The following HOOK3 variants were observed in gnomAD, a reference collection of about 807,000 sequenced individuals.
The protein encoded by HOOK3 is hook microtubule tethering protein 3.
Under a neutral mutation model 116.3 loss-of-function variants are expected in HOOK3, and 24 were observed. The ratio of observed to expected loss-of-function variants is 0.21; its 90% CI spans 0.15 to 0.29. The LOEUF (loss-of-function observed/expected upper bound fraction) is 0.29, where lower values mean the gene tolerates loss of function less well. HOOK3 is among the 10% of genes least tolerant of loss of function. HOOK3 has a pLI of 1.00. For synonymous variants in HOOK3, 275 were observed against 283.0 expected, an observed-to-expected ratio of 0.97 and a Z score of 0.28; for missense variants, 632 against 830.2, an observed-to-expected ratio of 0.76 and a Z score of 2.93.
chr8:42,984,501 A>G (rs1809012841), intron 14 of HOOK3, among the ~76,000 whole-genome samples: 1 of 152,220 alleles, frequency 6.6e-6, no homozygotes, highest in African/African-American at 2.4e-5. Context: ...AGATTTGTTG[A>G]ATAAATGAAC....
At chr8:43,003,237 C>T (rs944197971) in intron 17 of HOOK3, among the ~76,000 whole-genome samples, 3 of 152,178 alleles carry the variant, frequency 2.0e-5, no homozygotes, top group African/African-American at 7.2e-5. Flanking sequence ...AAGAAATTCT[C>T]TTCTGGCAAT....
intron 19 of HOOK3, among the ~76,000 whole-genome samples, chr8:43,010,926 G>C (rs1393238282): frequency 2.0e-5 from 3 of 152,092 alleles, no homozygotes; most frequent in African/African-American, 7.2e-5. Flanking sequence ...TAATTGAAAA[G>C]AGCCCCCTGC....
At chr8:42,961,522 A>G (rs1478382494) in intron 8 of HOOK3, among the ~76,000 whole-genome samples, 1 of 151,786 alleles carries the variant, frequency 6.6e-6, no homozygotes, top group Non-Finnish European at 1.5e-5. Context: ...AAGTGAGAAC[A>G]GTGATTAACT....
At position 42,986,718 on chromosome 8, in the gene HOOK3, C is replaced by G; in HGVS notation, c.1455C>G (p.Asp485Glu). The G allele has an allele frequency of 1.4e-5, 23 of 1,613,496 alleles. No homozygotes were observed. The highest frequency in any genetic ancestry group is 1.9e-5 in the Non-Finnish European group (23 of 1,179,634). The change falls in exon 15 of 22, where the codon GAC (aspartate) becomes GAG (glutamate). Residue 485 changes from aspartate (D) to glutamate (E), a missense_variant. Around this residue, in one of 3 missense-constraint regions of HOOK3, gnomAD observed 483 missense variants for 648.1 expected, o/e 0.75. Coordinates refer to ENST00000307602, the MANE Select transcript of HOOK3 (RefSeq NM_032410.4). Reference protein sequence around the residue: ...KMLKLNQEGSDNEKIALLQSL... With the variant: ...KMLKLNQEGSENEKIALLQSL... Reference sequence around the variant, plus strand: ...TAAAGCTTAACCAAGAAGGTTCGGACAATGAAAAAATAGCCTTATTGCAGA... The same window carrying G: ...TAAAGCTTAACCAAGAAGGTTCGGAGAATGAAAAAATAGCCTTATTGCAGA...
intron 4 of HOOK3, 149 bp downstream of exon 4, chr8:42,930,321 C>A: frequency 3.2e-6 from 2 of 631,158 alleles, no homozygotes; most frequent in East Asian, 3.7e-5. Flanking sequence ...GATGGTTCAA[C>A]CAACCATCTG....
chr8:42,978,019 G>A (rs892345521), intron 13 of HOOK3, among the ~76,000 whole-genome samples: 2 of 152,142 alleles, frequency 1.3e-5, no homozygotes, highest in African/African-American at 4.8e-5. Context: ...TGTGCAGCTC[G>A]AGCTAGTAAC....
chr8:42,940,664 C>G (rs186778015), intron 4 of HOOK3, among the ~76,000 whole-genome samples: 177 of 152,328 alleles, frequency 1.2e-3, no homozygotes, highest in African/African-American at 4.2e-3. Context: ...CGACTTTTCT[C>G]TCTGGATGCC....
At chr8:42,966,187 TAAAA>T (rs1234604007) in intron 9 of HOOK3, among the ~76,000 whole-genome samples, 2 of 152,114 alleles carry the variant, frequency 1.3e-5, no homozygotes, top group Non-Finnish European at 2.9e-5. Flanking sequence ...AATTTTATAA[TAAAA>T]AAAGCCCTTA....
intron 1 of HOOK3, among the ~76,000 whole-genome samples, chr8:42,902,721 C>G (rs1807216611): frequency 6.6e-6 from 1 of 152,182 alleles, no homozygotes; most frequent in Non-Finnish European, 1.5e-5. Context: ...TTTCCCCAAT[C>G]TTTCTTTATA....
chr8:43,024,744 TAA>T lies in HOOK3; in HGVS notation c.*6248_*6249del. On this transcript the variant is annotated 3_prime_UTR_variant, in exon 22 of 22. Transcript: ENST00000307602. ...GTCCAGTTTTAACACAGAAGTGGTC[TAA>T]AGTTTTGCAGCAAATGCTGTTCAGT... is the stretch of plus-strand genomic sequence containing the variant. The T allele has an allele frequency of 5.1e-6, 1 of 196,664 alleles. No individual in the cohort carries two copies. Among genetic ancestry groups the T allele is most frequent in the Non-Finnish European group, 1.1e-5 (1 of 94,562 alleles). The allele number at this position is 196,664 out of a possible 1,614,324, so 12.2% of individuals were successfully genotyped here.
In HOOK3 at chr8:43,027,644, G is replaced by A. The variant is rs528627871; in HGVS notation, c.*9146G>A. The A allele has an allele frequency of 4.7e-6, 1 of 212,606 alleles. No individual in the cohort carries two copies. The highest frequency in any genetic ancestry group is 2.3e-5 in the African/African-American group (1 of 43,904). The allele number at this position is 212,606 out of a possible 1,614,324, so 13.2% of individuals were successfully genotyped here. On this transcript the variant is annotated 3_prime_UTR_variant, in exon 22 of 22. Coordinates refer to ENST00000307602, the MANE Select transcript of HOOK3 (RefSeq NM_032410.4). ...ACATAAGGACGAAATACAATGTTCTGAATATCTTCCACTAATTAATTGTTG... is the reference window on the plus strand; with the variant it reads ...ACATAAGGACGAAATACAATGTTCTAAATATCTTCCACTAATTAATTGTTG...
At chr8:43,000,265 C>T in intron 16 of HOOK3, 1 of 1,286,436 alleles carries the variant, frequency 7.8e-7, no homozygotes, top group Non-Finnish European at 1.0e-6. Context: ...ATGGTTTCTG[C>T]TCAAGGCTAT....
intron 11 of HOOK3, among the ~76,000 whole-genome samples, chr8:42,970,265 A>G (rs1808702482): frequency 1.3e-5 from 2 of 152,184 alleles, no homozygotes; most frequent in African/African-American, 4.8e-5. Context: ...ATTTCTGGAC[A>G]CTTTCTTCTG....
intron 14 of HOOK3, 26 bp downstream of exon 14, chr8:42,982,722 T>TA: frequency 7.0e-7 from 1 of 1,424,326 alleles, no homozygotes; most frequent in Non-Finnish European, 9.9e-7. Context: ...TGTTCACACT[T>TA]ACACTGCACA....
At chr8:42,931,094 G>A (rs1807863877) in intron 4 of HOOK3, among the ~76,000 whole-genome samples, 1 of 152,178 alleles carries the variant, frequency 6.6e-6, no homozygotes, top group African/African-American at 2.4e-5. Flanking sequence ...CCGCACCTAA[G>A]GCACTGGAGC....
intron 19 of HOOK3, among the ~76,000 whole-genome samples, chr8:43,011,107 C>T (rs1809600958): frequency 1.3e-5 from 2 of 152,072 alleles, no homozygotes; most frequent in Admixed American, 6.5e-5. Context: ...ATTCTCCTGC[C>T]TCAGCCTCCC....
chr8:42,987,297 A>G (rs1024158767), intron 15 of HOOK3, among the ~76,000 whole-genome samples: 2 of 152,190 alleles, frequency 1.3e-5, no homozygotes, highest in Non-Finnish European at 2.9e-5. Flanking sequence ...GCCAAAAAAC[A>G]TTGGGCCTTT....
intron 13 of HOOK3, among the ~76,000 whole-genome samples, chr8:42,980,181 G>C (rs561799350): frequency 3.9e-5 from 6 of 152,036 alleles, no homozygotes; most frequent in Admixed American, 1.3e-4. Context: ...TTGAACTCCT[G>C]ACCTCAGGTG....
At chr8:42,929,976 T>TGAG (rs1322534464) in intron 3 of HOOK3, 146 bp from the exon 4 acceptor site, 42 of 677,226 alleles carry the variant, frequency 6.2e-5, no homozygotes, top group Admixed American at 1.2e-4. Context: ...ATGATGATGA[T>TGAG]AATTCAAATA....
Sources: allele counts gnomAD v4.1 joint callset (sites outside exome capture counted in the v4.1 genomes callset), GRCh38; gene constraint gnomAD v4.1.1; regional missense constraint gnomAD v4.1.1; transcripts MANE v1.5; gene names NCBI Gene and HGNC (gene_info 2026-07-23, HGNC 2026-07-21).